The following TMBIM6 variants were observed in gnomAD, a reference collection of about 807,000 sequenced individuals.
The protein encoded by TMBIM6 is bax inhibitor 1.
In TMBIM6, 13 loss-of-function variants were observed where a neutral mutation model predicts 31.4. That is an observed-to-expected ratio of 0.41 (90% CI 0.27 to 0.66). The LOEUF (loss-of-function observed/expected upper bound fraction) is 0.66. Ranked by LOEUF, TMBIM6 falls within the 30% of genes least tolerant of loss-of-function variation. The pLI is 0.28. For missense variants in TMBIM6, 275 were observed against 289.5 expected (o/e 0.95, Z 0.36); for synonymous variants, 85 against 101.7 (o/e 0.84, Z 0.99).
chr12:49,748,432 T>A (rs374603655), intron 1 of TMBIM6, among the ~76,000 whole-genome samples: 6 of 152,212 alleles, frequency 3.9e-5, no homozygotes, highest in Non-Finnish European at 8.8e-5. Flanking sequence ...CAATTGTGTT[T>A]ACTTGAGTTT....
At chr12:49,749,858 T>A (rs1204276061) in intron 1 of TMBIM6, 1 of 152,238 alleles carries the variant, frequency 6.6e-6, no homozygotes, top group Non-Finnish European at 1.5e-5. Flanking sequence ...TCAACCCTGG[T>A]AAGTCAGGGA....
chr12:49,752,960 ATTC>A lies in TMBIM6; in HGVS notation c.57-10_57-8del. 6.2e-7 allele frequency: 1 copy of A among 1,612,310 alleles called. No individual in the cohort carries two copies. The highest frequency in any genetic ancestry group is 8.5e-7 in the Non-Finnish European group (1 of 1,179,098). ...TCTGGGACTGATTGCTCTTATTCAC[ATTC>A]TTTTCTTAGAACCCCGTCAACGCAG... On this transcript the variant is annotated splice_polypyrimidine_tract_variant and intron_variant, in intron 2 of 9. Transcript: ENST00000267115.
At chr12:49,753,750 T>G (rs1945538034) in intron 3 of TMBIM6, among the ~76,000 whole-genome samples, 1 of 152,198 alleles carries the variant, frequency 6.6e-6, no homozygotes, top group South Asian at 2.1e-4. Flanking sequence ...AGGGATTGTG[T>G]GAAAAATTAC....
In TMBIM6 at chr12:49,754,653, T is replaced by A. The variant is rs143406527; in HGVS notation, c.166-982T>A. Among the ~76,000 whole-genome samples the A allele has an allele frequency of 2.0e-5, 3 of 152,328 alleles. No homozygotes were observed. The East Asian group carries it at 5.8e-4, about 29-fold the overall frequency. ...AAACACTGAATAATGAGAATCAACT[T>A]CTTCCTTTAAAGGAAGGAAGGAACT... On this transcript the variant is annotated intron_variant, in intron 3 of 9. Coordinates refer to ENST00000267115, the MANE Select transcript of TMBIM6 (RefSeq NM_003217.3).
chr12:49,759,169 T>C, intron 7 of TMBIM6, 52 bp from the exon 8 acceptor site: 2 of 1,513,320 alleles, frequency 1.3e-6, no homozygotes, highest in Admixed American at 1.7e-5. Context: ...GGCTGGTTTT[T>C]TTTTCTCTGC....
chr12:49,758,420 T>G lies in TMBIM6; in HGVS notation c.373T>G (p.Phe125Val). The G allele has an allele frequency of 6.2e-7, 1 of 1,614,238 alleles. No individual in the cohort carries two copies. ...PTAFMGTAMI[F>V]TCFTLSALYA... ...TGCTTTCATGGGCACGGCAATGATC[T>G]TTACCTGCTTCACCCTCAGTGCACT... is the stretch of plus-strand genomic sequence containing the variant. Residue 125 changes from phenylalanine to valine, a missense_variant, in exon 6 of 10, where the codon TTT becomes GTT. By Grantham distance (50) the Phe-to-Val change is conservative. Transcript: ENST00000267115.
At chr12:49,741,801 C>T (rs1945299239) in intron 1 of TMBIM6, 190 bp downstream of exon 1, 2 of 317,040 alleles carry the variant, frequency 6.3e-6, no homozygotes, top group Admixed American at 4.8e-5. Context: ...TAGTGCTGCG[C>T]GTGCGCAACA....
chr12:49,759,161 C>T, intron 7 of TMBIM6, 60 bp from the exon 8 acceptor site: 1 of 1,419,064 alleles, frequency 7.0e-7, no homozygotes, highest in Non-Finnish European at 9.9e-7. Context: ...GAAAGTATGG[C>T]TGGTTTTTTT....
chr12:49,758,267 C>G lies in TMBIM6; in HGVS notation c.327C>G (p.Val109=), dbSNP rs1265068722. The G allele has an allele frequency of 6.2e-7, 1 of 1,614,232 alleles. No homozygotes were observed. Among genetic ancestry groups the G allele is most frequent in the Non-Finnish European group, 8.5e-7 (1 of 1,180,038 alleles). The part of the protein sequence containing the change: ...LGPALEFCIA[V]NPSILPTAFM... ...CTGCCCTGGAGTTTTGTATTGCTGT[C>G]AACCCCAGGTAACTCTTTTGGTAGT... The change falls in exon 5 of 10, where the codon GTC becomes GTG. Residue 109 remains valine, a synonymous_variant. Coordinates refer to ENST00000267115, the MANE Select transcript of TMBIM6 (RefSeq NM_003217.3).
Position 49,755,642 on chromosome 12 carries a change from T to A in TMBIM6, c.173T>A (p.Leu58Gln). 6.2e-7 allele frequency: 1 copy of A among 1,613,870 alleles called. No individual in the cohort carries two copies. The highest frequency in any genetic ancestry group is 8.5e-7 in the Non-Finnish European group (1 of 1,179,910). The change falls in exon 4 of 10, where the codon CTG becomes CAG. Residue 58 changes from leucine (L) to glutamine (Q), a missense_variant. Transcript: ENST00000267115. ...TGATTCTGACTCTAACAGGCTGGCC[T>A]GCTGTCTGCCTTGGGCTCCCTGATA... Reference protein sequence around the residue: ...HMVTHFIQAGLLSALGSLILM... With the variant: ...HMVTHFIQAGQLSALGSLILM...
chr12:49,756,730 TTTTG>T (rs1945604417), intron 4 of TMBIM6, among the ~76,000 whole-genome samples: 1 of 147,204 alleles, frequency 6.8e-6, no homozygotes, highest in Non-Finnish European at 1.5e-5. Context: ...CAGCGCTTTT[TTTTG>T]TTTTTTTGTT....
At chr12:49,761,867 A>G in intron 9 of TMBIM6, 88 bp downstream of exon 9, 7 of 1,301,640 alleles carry the variant, frequency 5.4e-6, no homozygotes, top group Non-Finnish European at 4.4e-6. Context: ...ACTTGCTCAC[A>G]CACTGTGTTA....
chr12:49,761,681 C>T (rs553604337), intron 8 of TMBIM6, 23 bp from the exon 9 acceptor site: 2 of 1,612,634 alleles, frequency 1.2e-6, no homozygotes, highest in South Asian at 2.2e-5. Context: ...AGTACAGATC[C>T]TAATCTGGTT....
At chr12:49,759,410 G>T in intron 8 of TMBIM6, 89 bp downstream of exon 8, 1 of 1,125,222 alleles carries the variant, frequency 8.9e-7, no homozygotes, top group Non-Finnish European at 1.3e-6. Context: ...CTGAACATAG[G>T]TGGCCAAGCT....
intron 1 of TMBIM6, chr12:49,742,606 A>G (rs554038021): frequency 1.9e-5 from 4 of 212,450 alleles, no homozygotes; most frequent in Non-Finnish European, 2.8e-5. Flanking sequence ...TTAAGGTCAA[A>G]GGTAAATAAA....
intron 8 of TMBIM6, among the ~76,000 whole-genome samples, chr12:49,759,574 G>A (rs1945673160): frequency 6.6e-6 from 1 of 152,118 alleles, no homozygotes; most frequent in Admixed American, 6.5e-5. Flanking sequence ...GGAGGCTGAG[G>A]CCACTGGATC....
intron 4 of TMBIM6, among the ~76,000 whole-genome samples, chr12:49,756,121 C>G (rs1029726083): frequency 3.3e-5 from 5 of 151,830 alleles, no homozygotes; most frequent in African/African-American, 1.2e-4. Context: ...GCATGAGCCA[C>G]CGTGCCTGGC....
intron 1 of TMBIM6, among the ~76,000 whole-genome samples, chr12:49,745,914 A>T (rs746257835): frequency 6.6e-6 from 1 of 152,152 alleles, no homozygotes; most frequent in Admixed American, 6.5e-5. Context: ...GGCTTAAGCT[A>T]TAATGTTTGG....
At chr12:49,759,372 T>A (rs1272784296) in intron 8 of TMBIM6, 51 bp downstream of exon 8, 3 of 1,506,600 alleles carry the variant, frequency 2.0e-6, no homozygotes, top group Non-Finnish European at 2.8e-6. Context: ...GGCATACCGT[T>A]CAGCAGCTGA....
Sources: gnomAD v4.1 joint callset for allele counts (sites outside exome capture counted in the v4.1 genomes callset) on GRCh38, gnomAD v4.1.1 for gene constraint, MANE v1.5 for transcripts, NCBI Gene and HGNC (gene_info 2026-07-23, HGNC 2026-07-21) for gene names.